The following ABCC9 variants were observed in gnomAD, a reference collection of about 807,000 sequenced individuals.
ABCC9 encodes ATP-binding cassette sub-family C member 9.
A neutral mutation model predicts 188.3 loss-of-function variants in ABCC9; 95 were observed. The ratio of observed to expected loss-of-function variants is 0.50; its 90% CI spans 0.43 to 0.60. ABCC9 has a LOEUF of 0.60. Ranked by LOEUF, ABCC9 falls within the 20% of genes least tolerant of loss-of-function variation. The pLI is 0.00. For synonymous variants in ABCC9, 659 were observed against 652.7 expected, an observed-to-expected ratio of 1.01 and a Z score of -0.15; for missense variants, 1,102 against 1,876.3, an observed-to-expected ratio of 0.59 and a Z score of 7.62.
At chr12:21,813,388 G>A (rs923403856) in intron 35 of ABCC9, among the ~76,000 whole-genome samples, 1 of 152,122 alleles carries the variant, frequency 6.6e-6, no homozygotes, top group South Asian at 2.1e-4. Context: ...CCTTTTACCA[G>A]ATAGATTTAG....
intron 31 of ABCC9, 37 bp from the exon 32 acceptor site, chr12:21,818,288 C>T: frequency 6.4e-7 from 1 of 1,559,140 alleles, no homozygotes; most frequent in Non-Finnish European, 8.8e-7. Flanking sequence ...AAAGGTTACT[C>T]CCAAGTTCTT....
chr12:21,928,370 GAA>G (rs1400268852), intron 4 of ABCC9, among the ~76,000 whole-genome samples: 12 of 133,258 alleles, frequency 9.0e-5, no homozygotes, highest in Non-Finnish European at 1.9e-4. Context: ...GAAAGAAAAA[GAA>G]AAAGAGAGAA....
At chr12:21,907,390 G>A (rs1948095942) in intron 11 of ABCC9, among the ~76,000 whole-genome samples, 1 of 152,146 alleles carries the variant, frequency 6.6e-6, no homozygotes, top group African/African-American at 2.4e-5. Context: ...GTCAGTGGCA[G>A]CATCTTCACA....
rs559954690 is a variant in ABCC9 at position 21,799,066 on chromosome 12, G to A, written c.*1978C>T. On this transcript the variant is annotated 3_prime_UTR_variant, in exon 40 of 40. Coordinates refer to ENST00000261200, the MANE Select transcript of ABCC9 (RefSeq NM_020297.4). The stretch of plus-strand genomic sequence containing the variant: ...GAACAATGAGATCACATGGACACAG[G>A]AAGGGGAATATCACACTCTGGGGAC... 4 of 143,120 alleles carry A rather than the reference G, an allele frequency of 2.8e-5. No individual in the cohort carries two copies. The highest frequency in any genetic ancestry group is 6.1e-5 in the Non-Finnish European group (4 of 65,814). The allele number at this position is 143,120 out of a possible 1,614,324, so 8.9% of individuals were successfully genotyped here.
At chr12:21,820,530 A>G (rs1022785271) in intron 31 of ABCC9, among the ~76,000 whole-genome samples, 1 of 152,066 alleles carries the variant, frequency 6.6e-6, no homozygotes, top group Non-Finnish European at 1.5e-5. Flanking sequence ...AACCTTATAT[A>G]TAGGCTCTCA....
At chr12:21,874,585 A>G (rs1946248413) in intron 17 of ABCC9, among the ~76,000 whole-genome samples, 1 of 152,214 alleles carries the variant, frequency 6.6e-6, no homozygotes. Context: ...ATCATTCACA[A>G]TAGCCAAGAT....
intron 9 of ABCC9, 84 bp downstream of exon 9, chr12:21,910,742 C>A (rs1334339258): frequency 6.8e-6 from 9 of 1,318,104 alleles, no homozygotes; most frequent in Non-Finnish European, 8.5e-6. Flanking sequence ...AATGAAAAAA[C>A]AAAACTGAAG....
intron 39 of ABCC9, among the ~76,000 whole-genome samples, chr12:21,801,739 C>A (rs191348022): frequency 6.6e-6 from 1 of 152,134 alleles, no homozygotes; most frequent in East Asian, 1.9e-4. Context: ...CTTCTTTCCA[C>A]GCGATGCCCT....
intron 35 of ABCC9, among the ~76,000 whole-genome samples, chr12:21,814,270 T>A (rs1384262223): frequency 1.3e-5 from 2 of 152,182 alleles, no homozygotes; most frequent in African/African-American, 4.8e-5. Flanking sequence ...TTGTACTTTT[T>A]TCCTTTGTTG....
At chr12:21,867,925 T>A (rs189625509) in intron 18 of ABCC9, among the ~76,000 whole-genome samples, 2 of 152,030 alleles carry the variant, frequency 1.3e-5, no homozygotes, top group Non-Finnish European at 2.9e-5. Context: ...AAACTATTCA[T>A]CAGATAAGGC....
At chr12:21,848,094 A>C in intron 25 of ABCC9, 56 bp downstream of exon 25, 1 of 1,506,976 alleles carries the variant, frequency 6.6e-7, no homozygotes, top group Non-Finnish European at 9.2e-7. Flanking sequence ...CACATAAAAA[A>C]CCCTCGCATC....
intron 31 of ABCC9, 36 bp downstream of exon 31, chr12:21,828,922 T>C: frequency 6.4e-7 from 1 of 1,551,348 alleles, no homozygotes; most frequent in Non-Finnish European, 8.9e-7. Context: ...GTCTTCTCTA[T>C]TTGGTTTCCA....
intron 16 of ABCC9, 68 bp from the exon 17 acceptor site, chr12:21,875,794 TA>T: frequency 7.4e-7 from 1 of 1,353,644 alleles, no homozygotes; most frequent in Non-Finnish European, 1.0e-6. Context: ...ATTAAAATAA[TA>T]ATTTGTAGGC....
intron 33 of ABCC9, among the ~76,000 whole-genome samples, chr12:21,816,212 G>C (rs552169176): frequency 1.3e-5 from 2 of 151,930 alleles, no homozygotes; most frequent in East Asian, 3.9e-4. Flanking sequence ...ATTCAAAGTG[G>C]ACAGAGATAG....
Position 21,862,995 on chromosome 12 carries a change from A to G in ABCC9, c.2297T>C (p.Val766Ala). The change falls in exon 20 of 40, where the codon GTA becomes GCA. Residue 766 changes from valine to alanine, a missense_variant. Val to Ala is a moderately conservative substitution (Grantham distance 64). Coordinates refer to ENST00000261200, the MANE Select transcript of ABCC9 (RefSeq NM_020297.4). Reference protein sequence around the residue: ...AQKPWLLNATVEENITFGSPF... With the variant: ...AQKPWLLNATAEENITFGSPF... ...ACTTCCAAAAGTAATATTTTCTTCTACTGTAGCATTTAATAGCCAAGGCTT... is the reference window on the plus strand; with the variant it reads ...ACTTCCAAAAGTAATATTTTCTTCTGCTGTAGCATTTAATAGCCAAGGCTT... The G allele has an allele frequency of 1.9e-6, 3 of 1,612,904 alleles. No individual in the cohort carries two copies. Among genetic ancestry groups the G allele is most frequent in the Non-Finnish European group, 8.5e-7 (1 of 1,179,164 alleles).
intron 15 of ABCC9, 81 bp from the exon 16 acceptor site, chr12:21,882,954 A>G (rs1946694079): frequency 9.8e-7 from 1 of 1,024,678 alleles, no homozygotes; most frequent in East Asian, 2.4e-5. Context: ...TCACATTGCT[A>G]CCTAAGTTCC....
chr12:21,939,093 G>A (rs540104535), intron 2 of ABCC9, among the ~76,000 whole-genome samples: 1 of 152,150 alleles, frequency 6.6e-6, no homozygotes, highest in Non-Finnish European at 1.5e-5. Context: ...AGGGGTATAT[G>A]ATCTAAAAGA....
chr12:21,864,408 T>A, intron 19 of ABCC9, 31 bp downstream of exon 19: 1 of 1,490,756 alleles, frequency 6.7e-7, no homozygotes, highest in Non-Finnish European at 9.4e-7. Context: ...AAGTTATTCT[T>A]ATTAAACTCA....
Position 21,801,000 on chromosome 12 carries a change from T to C in ABCC9, c.*44A>G, listed in dbSNP as rs769135819. The C allele has an allele frequency of 7.4e-6, 12 of 1,611,404 alleles. No homozygotes were observed. The highest frequency in any genetic ancestry group is 1.7e-4 in the Middle Eastern group (1 of 5,936). ...AGCTGATGATCCATTAATTAGGTTA[T>C]GACTGCATTATTTTAAATACATGTA... On this transcript the variant is annotated 3_prime_UTR_variant, in exon 40 of 40. Coordinates refer to ENST00000261200, the MANE Select transcript of ABCC9 (RefSeq NM_020297.4).
Sources: gnomAD v4.1 joint callset for allele counts (sites outside exome capture counted in the v4.1 genomes callset) on GRCh38, gnomAD v4.1.1 for gene constraint, MANE v1.5 for transcripts, NCBI Gene and HGNC (gene_info 2026-07-23, HGNC 2026-07-21) for gene names.